IPO11: variants seen among roughly 807,000 people sequenced by gnomAD.
The protein encoded by IPO11 is importin-11.
Under a neutral mutation model 143.2 loss-of-function variants are expected in IPO11, and 66 were observed. That is an observed-to-expected ratio of 0.46 (90% CI 0.38 to 0.57). IPO11 has a LOEUF of 0.57. IPO11 is among the 20% of genes least tolerant of loss of function. IPO11 has a pLI of 0.00. For synonymous variants in IPO11, 385 were observed against 377.8 expected (o/e 1.02, Z -0.22); for missense variants, 1,026 against 1,141.0 (o/e 0.90, Z 1.45).
chr5:62,580,911 T>C, intron 27 of IPO11: 2 of 1,551,372 alleles, frequency 1.3e-6, no homozygotes. Flanking sequence ...TTACTACTTC[T>C]GTTACCTTGA....
chr5:62,446,665 G>A (rs373786678), intron 3 of IPO11, among the ~76,000 whole-genome samples: 1 of 152,160 alleles, frequency 6.6e-6, no homozygotes. Context: ...TCAAATATAC[G>A]TATTACAAAT....
chr5:62,520,631 T>G (rs918108392), intron 20 of IPO11, among the ~76,000 whole-genome samples: 1 of 152,256 alleles, frequency 6.6e-6, no homozygotes, highest in African/African-American at 2.4e-5. Context: ...GTGTTTGGTT[T>G]TCTGTCCTTG....
chr5:62,453,090 C>G (rs1745001689), intron 5 of IPO11, among the ~76,000 whole-genome samples: 1 of 150,890 alleles, frequency 6.6e-6, no homozygotes, highest in Non-Finnish European at 1.5e-5. Context: ...CAGGTCTGTT[C>G]TGAATCATGC....
intron 3 of IPO11, among the ~76,000 whole-genome samples, chr5:62,449,348 G>A (rs946276212): frequency 1.3e-4 from 19 of 151,900 alleles, no homozygotes; most frequent in Admixed American, 8.5e-4. Context: ...TATTCTTTTC[G>A]GAGATGTTTA....
At chr5:62,533,272 T>C (rs954813691) in intron 22 of IPO11, among the ~76,000 whole-genome samples, 1 of 151,060 alleles carries the variant, frequency 6.6e-6, no homozygotes, top group African/African-American at 2.4e-5. Flanking sequence ...CGTGCAATGG[T>C]GCAATCTTGG....
At chr5:62,565,512 A>G (rs1743904464) in intron 27 of IPO11, among the ~76,000 whole-genome samples, 1 of 152,122 alleles carries the variant, frequency 6.6e-6, no homozygotes, top group South Asian at 2.1e-4. Context: ...AACAAAACCG[A>G]TGACAACTTT....
At chr5:62,615,597 C>A (rs954950448) in intron 29 of IPO11, among the ~76,000 whole-genome samples, 4 of 152,130 alleles carry the variant, frequency 2.6e-5, no homozygotes, top group Non-Finnish European at 2.9e-5. Flanking sequence ...AACAAAATTT[C>A]AACAAAGTGA....
chr5:62,490,361 A>G, intron 15 of IPO11, 141 bp downstream of exon 15: 1 of 484,616 alleles, frequency 2.1e-6, no homozygotes. Context: ...GGAAAGGAAT[A>G]AGAATTTTGA....
chr5:62,477,207 A>G (rs1212296090), intron 9 of IPO11, among the ~76,000 whole-genome samples: 2 of 152,208 alleles, frequency 1.3e-5, no homozygotes, highest in Admixed American at 6.5e-5. Flanking sequence ...GGCAGTGTGT[A>G]TAATTACATT....
At chr5:62,498,568 T>A (rs1480254335) in intron 16 of IPO11, among the ~76,000 whole-genome samples, 1 of 152,228 alleles carries the variant, frequency 6.6e-6, no homozygotes, top group African/African-American at 2.4e-5. Flanking sequence ...ATTATATCTT[T>A]AAGTTTCAGA....
At chr5:62,418,639 A>G (rs548420536) in intron 1 of IPO11, among the ~76,000 whole-genome samples, 71 of 152,354 alleles carry the variant, frequency 4.7e-4, no homozygotes, top group Middle Eastern at 3.4e-3. Context: ...ACCTCTTTAA[A>G]TAGAGGACAA....
rs766381007 is a variant in IPO11 at position 62,449,985 on chromosome 5, GA to G, written c.300del (p.Glu100AspfsTer3). 6.3e-7 allele frequency: 1 copy of G among 1,596,796 alleles called. No homozygotes were observed. Among genetic ancestry groups the G allele is most frequent in the South Asian group, 1.2e-5 (1 of 86,622 alleles). ...LRAGLITNFN[E>X]PINQIATQIA... ...TGCAGGGCTCATCACCAACTTCAATGAACCAATAAACCAGGTTAGTGAGAAA... is the reference window on the plus strand; with the variant it reads ...TGCAGGGCTCATCACCAACTTCAATGACCAATAAACCAGGTTAGTGAGAAA... On this transcript the variant is annotated frameshift_variant, in exon 4 of 30. Coordinates refer to ENST00000325324, the MANE Select transcript of IPO11 (RefSeq NM_016338.5). LOFTEE classifies it high-confidence loss of function.
chr5:62,502,257 G>A (rs1741370468), intron 16 of IPO11, among the ~76,000 whole-genome samples: 1 of 152,216 alleles, frequency 6.6e-6, no homozygotes, highest in East Asian at 1.9e-4. Context: ...TTCAGCTGGG[G>A]TAGGGTAGAC....
At position 62,540,708 on chromosome 5, in the gene IPO11, G is replaced by T. The variant is rs146345885; in HGVS notation, c.2250+3419G>T. On this transcript the variant is annotated intron_variant, in intron 24 of 29. Transcript: ENST00000325324. ...CCTCATTTTCCATCTGTAACATGGG[G>T]ATGATAACTTTACCTACTTCCTAGA... Among the ~76,000 whole-genome samples the T allele has an allele frequency of 3.3e-5, 5 of 152,324 alleles. No homozygotes were observed. The East Asian group carries it at 9.6e-4, about 29-fold the overall frequency.
rs1745601715 is a variant in IPO11 at position 62,467,216 on chromosome 5, A to G, written c.602A>G (p.Glu201Gly). 1 of 1,614,058 alleles carries G rather than the reference A, an allele frequency of 6.2e-7. No homozygotes were observed. The highest frequency in any genetic ancestry group is 8.5e-7 in the Non-Finnish European group (1 of 1,179,952). Residue 201 changes from glutamate to glycine, a missense_variant, in exon 6 of 30, where the codon GAA (glutamate) becomes GGA (glycine). Transcript: ENST00000325324. ...CTGCAAGAAGTTTCTTCTGGCAATG[A>G]AGCTGCAATTTTGAGTTCACTAGAA... ...TFLQEVSSGNEAAILSSLERT... is the reference protein window; with the variant it reads ...TFLQEVSSGNGAAILSSLERT...
intron 1 of IPO11, among the ~76,000 whole-genome samples, chr5:62,431,702 G>A (rs747880519): frequency 2.6e-5 from 4 of 152,098 alleles, no homozygotes; most frequent in Non-Finnish European, 5.9e-5. Context: ...AGCACTTTGG[G>A]AGGCTGAGGT....
chr5:62,432,971 C>T (rs1274877226), intron 1 of IPO11, among the ~76,000 whole-genome samples: 1 of 152,192 alleles, frequency 6.6e-6, no homozygotes, highest in African/African-American at 2.4e-5. Context: ...AGCAAGTAAT[C>T]TGTGGAGTGA....
rs529411570 is a variant in IPO11, at chr5:62,533,533, T to C, written c.2089+2748T>C. On this transcript the variant is annotated intron_variant, in intron 22 of 29. Transcript: ENST00000325324. The stretch of plus-strand genomic sequence containing the variant: ...GGCCGTACATTCTTTCATGAAAGTT[T>C]AAAAATTTATTTTTAAATACAACCA... Among the ~76,000 whole-genome samples, 58 of 152,318 alleles carry C rather than the reference T, an allele frequency of 3.8e-4. 1 individual carries two copies. The highest frequency in any genetic ancestry group is 1.3e-3 in the African/African-American group (56 of 41,566).
rs1218240490 is a variant in IPO11 at position 62,456,370 on chromosome 5, A to ATG, written c.516+4437_516+4438insTG. ...CCTAAATATAATAAAATGGACATTA[A>ATG]CCACTGTTAAAATCCAAAGTCACTA... On this transcript the variant is annotated intron_variant, in intron 5 of 29. Transcript: ENST00000325324. Among the ~76,000 whole-genome samples the ATG allele has an allele frequency of 2.9e-4, 44 of 152,354 alleles. 1 individual carries two copies. In the Middle Eastern group the frequency reaches 0.024, roughly 82 times the overall value.
Sources: allele counts gnomAD v4.1 joint callset (sites outside exome capture counted in the v4.1 genomes callset), GRCh38; gene constraint gnomAD v4.1.1; transcripts MANE v1.5; gene names NCBI Gene and HGNC (gene_info 2026-07-23, HGNC 2026-07-21).